ASCC3: variants seen among roughly 807,000 people sequenced by gnomAD.
ASCC3 encodes the protein ASC-1 complex subunit P200.
ASCC3 carries 158 observed loss-of-function variants against 256.3 expected under a neutral mutation model. The observed-to-expected ratio is 0.62, with a 90% CI of 0.54 to 0.70. The LOEUF is 0.70. Ranked by LOEUF, ASCC3 falls within the 30% of genes least tolerant of loss-of-function variation. The pLI, the probability that ASCC3 is intolerant of heterozygous loss-of-function variation, is 0.00. For missense variants in ASCC3, 2,259 were observed against 2,626.0 expected, an observed-to-expected ratio of 0.86 and a Z score of 3.05; for synonymous variants, 948 against 883.4, an observed-to-expected ratio of 1.07 and a Z score of -1.30.
At chr6:100,800,152 T>G in intron 6 of ASCC3, 148 bp downstream of exon 6, 1 of 759,804 alleles carries the variant, frequency 1.3e-6, no homozygotes, top group Non-Finnish European at 2.2e-6. Flanking sequence ...TCCCAGAAAA[T>G]TAGGTATTCA....
At chr6:100,722,496 C>T (rs2115032998) in intron 11 of ASCC3, among the ~76,000 whole-genome samples, 1 of 151,762 alleles carries the variant, frequency 6.6e-6, no homozygotes, top group Non-Finnish European at 1.5e-5. Flanking sequence ...CAACTTGTTG[C>T]ATATCTTTTC....
chr6:100,812,296 T>C (rs74391767), intron 4 of ASCC3, among the ~76,000 whole-genome samples: 2,034 of 152,090 alleles, frequency 0.013, 20 homozygotes, highest in East Asian at 0.045. Context: ...AGAAGTATGA[T>C]CCATATACTA....
At chr6:100,716,087 A>G (rs1318038356) in intron 12 of ASCC3, among the ~76,000 whole-genome samples, 2 of 151,884 alleles carry the variant, frequency 1.3e-5, no homozygotes, top group East Asian at 3.9e-4. Flanking sequence ...TTGGAAATCT[A>G]ATATAAAATT....
At chr6:100,576,956 G>A (rs1223576736) in intron 36 of ASCC3, among the ~76,000 whole-genome samples, 1 of 151,454 alleles carries the variant, frequency 6.6e-6, no homozygotes, top group Admixed American at 6.6e-5. Flanking sequence ...ACTGTTGACT[G>A]GAGTAGTTTC....
intron 32 of ASCC3, among the ~76,000 whole-genome samples, chr6:100,606,208 C>T (rs989310659): frequency 1.3e-5 from 2 of 151,990 alleles, no homozygotes; most frequent in Non-Finnish European, 2.9e-5. Flanking sequence ...AATGATACAG[C>T]TTTTACATGT....
At chr6:100,751,427 A>T (rs1780931228) in intron 10 of ASCC3, among the ~76,000 whole-genome samples, 2 of 151,986 alleles carry the variant, frequency 1.3e-5, no homozygotes, top group Non-Finnish European at 2.9e-5. Flanking sequence ...AAATAAGGAA[A>T]GACATCCCAG....
At chr6:100,804,363 T>TG (rs1368352394) in intron 5 of ASCC3, among the ~76,000 whole-genome samples, 1 of 152,076 alleles carries the variant, frequency 6.6e-6, no homozygotes, top group African/African-American at 2.4e-5. Context: ...AATAAAAAGT[T>TG]GGAGAGAAAT....
chr6:100,528,415 C>T (rs921182895), intron 37 of ASCC3, among the ~76,000 whole-genome samples: 8 of 152,150 alleles, frequency 5.3e-5, no homozygotes, highest in African/African-American at 1.7e-4. Flanking sequence ...AATTCATATA[C>T]TTCTTCCCTT....
intron 30 of ASCC3, 34 bp from the exon 31 acceptor site, chr6:100,607,122 G>A (rs1334751823): frequency 6.2e-7 from 1 of 1,604,948 alleles, no homozygotes; most frequent in African/African-American, 1.3e-5. Context: ...AGATGTAGAT[G>A]CATAACTTTA....
intron 36 of ASCC3, among the ~76,000 whole-genome samples, chr6:100,583,843 T>C (rs1344155952): frequency 6.6e-6 from 1 of 152,224 alleles, no homozygotes; most frequent in Non-Finnish European, 1.5e-5. Flanking sequence ...TTTCGTTATG[T>C]ACCCAGTGGT....
intron 12 of ASCC3, among the ~76,000 whole-genome samples, chr6:100,716,383 T>G (rs1779087809): frequency 6.6e-6 from 1 of 151,648 alleles, no homozygotes; most frequent in Admixed American, 6.6e-5. Context: ...CCCAAAGGAG[T>G]AGGCATGTGA....
chr6:100,622,874 G>A (rs985529100), intron 30 of ASCC3, among the ~76,000 whole-genome samples: 5 of 151,778 alleles, frequency 3.3e-5, no homozygotes, highest in Admixed American at 1.3e-4. Context: ...CAATTCTTTA[G>A]GTCTCATATA....
intron 14 of ASCC3, among the ~76,000 whole-genome samples, chr6:100,663,000 CA>C (rs1246687332): frequency 1.3e-5 from 2 of 152,074 alleles, no homozygotes; most frequent in East Asian, 3.9e-4. Context: ...TATTTTCCAA[CA>C]AGTCCATATC....
In ASCC3 at chr6:100,537,875, T is replaced by C. The variant is rs1775242204; in HGVS notation, c.5775+2288A>G. On this transcript the variant is annotated intron_variant, in intron 37 of 41. Coordinates refer to ENST00000369162, the MANE Select transcript of ASCC3 (RefSeq NM_006828.4). ...AATATAAATATTATCCCAGACACTG[T>C]ATATAAGGATATATATAGATATATA... 2.0e-5 allele frequency among the ~76,000 whole-genome samples: 3 copies of C among 150,334 alleles called. No individual in the cohort carries two copies. The Admixed American group carries it at 2.0e-4, about 10-fold the overall frequency.
At chr6:100,761,789 G>T (rs189302620) in intron 10 of ASCC3, among the ~76,000 whole-genome samples, 2 of 152,094 alleles carry the variant, frequency 1.3e-5, no homozygotes, top group African/African-American at 2.4e-5. Context: ...AATTTAAAGC[G>T]AAAAGCCCAA....
chr6:100,701,415 T>C (rs1778345507), intron 13 of ASCC3, among the ~76,000 whole-genome samples: 2 of 152,146 alleles, frequency 1.3e-5, no homozygotes, highest in African/African-American at 4.8e-5. Context: ...TCCTTGCCTT[T>C]TGCCATGATT....
chr6:100,853,451 T>G (rs1210644475), intron 3 of ASCC3, among the ~76,000 whole-genome samples: 1 of 146,456 alleles, frequency 6.8e-6, no homozygotes, highest in Non-Finnish European at 1.5e-5. Flanking sequence ...AGACGGAGTC[T>G]TGCTCTGTCA....
intron 37 of ASCC3, among the ~76,000 whole-genome samples, chr6:100,525,925 G>A (rs1326799619): frequency 2.0e-5 from 3 of 152,088 alleles, no homozygotes; most frequent in Admixed American, 1.3e-4. Flanking sequence ...GCTCCCAGAA[G>A]TTTTACAATG....
In ASCC3 at chr6:100,682,763, G is replaced by A. The variant is rs181071300; in HGVS notation, c.2152-3011C>T. On this transcript the variant is annotated intron_variant, in intron 13 of 41. Transcript: ENST00000369162. ...ATTCCAAGATTAAAGTTGCATAAAGGAGGCTACAGTTGTATTTGGAATATT... is the reference window on the plus strand; with the variant it reads ...ATTCCAAGATTAAAGTTGCATAAAGAAGGCTACAGTTGTATTTGGAATATT... 1.7e-3 allele frequency among the ~76,000 whole-genome samples: 254 copies of A among 152,290 alleles called. 2 individuals carry two copies. The South Asian group carries it at 0.021, about 13-fold the overall frequency.
Sources: gnomAD v4.1 joint callset for allele counts (sites outside exome capture counted in the v4.1 genomes callset) on GRCh38, gnomAD v4.1.1 for gene constraint, MANE v1.5 for transcripts, NCBI Gene and HGNC (gene_info 2026-07-23, HGNC 2026-07-21) for gene names.